Variants in RNGTT observed in about 807,000 individuals in gnomAD.
The protein encoded by RNGTT is RNA guanylyltransferase and 5'-phosphatase.
In RNGTT, 33 loss-of-function variants were observed where a neutral mutation model predicts 79.3. The observed-to-expected ratio is 0.42, with a 90% CI of 0.32 to 0.56. The LOEUF (loss-of-function observed/expected upper bound fraction) is 0.56, where lower values mean the gene tolerates loss of function less well. RNGTT is among the 20% of genes least tolerant of loss of function. The pLI, the probability that RNGTT is intolerant of heterozygous loss-of-function variation, is 0.17. For synonymous variants in RNGTT, 222 were observed against 235.9 expected (o/e 0.94, Z 0.54); for missense variants, 497 against 739.1 (o/e 0.67, Z 3.80).
intron 11 of RNGTT, among the ~76,000 whole-genome samples, 194 bp from the exon 12 acceptor site, chr6:88,801,826 C>CAG (rs1480507094): frequency 2.9e-5 from 4 of 136,084 alleles, no homozygotes; most frequent in African/African-American, 1.2e-4. Context: ...CACACAGACA[C>CAG]ACACACACAC....
intron 4 of RNGTT, among the ~76,000 whole-genome samples, chr6:88,912,382 C>T (rs191431591): frequency 1.9e-4 from 29 of 152,244 alleles, no homozygotes; most frequent in African/African-American, 6.7e-4. Flanking sequence ...GACCTCTAGC[C>T]TGGCTGACAG....
At chr6:88,785,737 T>G (rs886504556) in intron 12 of RNGTT, among the ~76,000 whole-genome samples, 18 of 152,284 alleles carry the variant, frequency 1.2e-4, no homozygotes, top group Admixed American at 9.8e-4. Flanking sequence ...TTCTAATTTG[T>G]CATGTACTTC....
chr6:88,710,709 A>G (rs1325323823), intron 13 of RNGTT, among the ~76,000 whole-genome samples: 1 of 152,198 alleles, frequency 6.6e-6, no homozygotes, highest in Non-Finnish European at 1.5e-5. Context: ...AAATGTAAGG[A>G]GCATAACAAA....
intron 14 of RNGTT, among the ~76,000 whole-genome samples, chr6:88,635,254 G>A (rs375154748): frequency 6.6e-6 from 1 of 152,006 alleles, no homozygotes; most frequent in Admixed American, 6.6e-5. Flanking sequence ...ATGTATATGC[G>A]ATGTTTATGT....
chr6:88,925,626 A>G (rs973649139), intron 4 of RNGTT, among the ~76,000 whole-genome samples: 2 of 151,806 alleles, frequency 1.3e-5, no homozygotes, highest in Admixed American at 6.6e-5. Context: ...AGCTGTTACT[A>G]TCATCATTAA....
At chr6:88,672,984 T>G (rs1178513674) in intron 14 of RNGTT, among the ~76,000 whole-genome samples, 1 of 152,238 alleles carries the variant, frequency 6.6e-6, no homozygotes, top group Non-Finnish European at 1.5e-5. Flanking sequence ...CTATAGCAAA[T>G]TTCTGAATTC....
intron 14 of RNGTT, among the ~76,000 whole-genome samples, chr6:88,626,310 T>C (rs1012358214): frequency 6.6e-6 from 1 of 152,024 alleles, no homozygotes; most frequent in East Asian, 1.9e-4. Context: ...TAGGTCTTCA[T>C]GAATCAAAAA....
chr6:88,917,014 G>A (rs1239814530), intron 4 of RNGTT, among the ~76,000 whole-genome samples: 1 of 152,230 alleles, frequency 6.6e-6, no homozygotes. Context: ...GGCCTTGGGA[G>A]TAATGGTGGG....
intron 11 of RNGTT, among the ~76,000 whole-genome samples, chr6:88,812,977 AT>A (rs879733046): frequency 1.6e-4 from 25 of 152,200 alleles, no homozygotes; most frequent in Non-Finnish European, 2.9e-4. Context: ...GAGGTAATAC[AT>A]ACAAAACTAC....
At chr6:88,613,324 AGGT>A (rs1216074148) in intron 15 of RNGTT, among the ~76,000 whole-genome samples, 1 of 152,256 alleles carries the variant, frequency 6.6e-6, no homozygotes, top group African/African-American at 2.4e-5. Flanking sequence ...CCTGTTGAAT[AGGT>A]GGTTTCATTG....
At chr6:88,942,674 C>T (rs1477645262) in intron 1 of RNGTT, among the ~76,000 whole-genome samples, 1 of 152,160 alleles carries the variant, frequency 6.6e-6, no homozygotes, top group East Asian at 1.9e-4. Flanking sequence ...CCTGGCCTTA[C>T]ATTTTCAAAC....
intron 14 of RNGTT, among the ~76,000 whole-genome samples, chr6:88,633,477 G>T (rs977447656): frequency 6.6e-6 from 1 of 152,118 alleles, no homozygotes; most frequent in Non-Finnish European, 1.5e-5. Flanking sequence ...TGATTCCACA[G>T]GTTCTTGTGC....
chr6:88,685,624 G>A (rs1202599640), intron 13 of RNGTT, among the ~76,000 whole-genome samples: 1 of 151,628 alleles, frequency 6.6e-6, no homozygotes, highest in Non-Finnish European at 1.5e-5. Flanking sequence ...CATCAAATTG[G>A]GTTTATTCTA....
chr6:88,633,953 A>C (rs1055555754), intron 14 of RNGTT, among the ~76,000 whole-genome samples: 2 of 152,170 alleles, frequency 1.3e-5, no homozygotes, highest in Admixed American at 6.5e-5. Flanking sequence ...CAAACAACCA[A>C]AATAGCTAAG....
intron 6 of RNGTT, among the ~76,000 whole-genome samples, chr6:88,893,090 A>G (rs1391279844): frequency 6.6e-6 from 1 of 152,094 alleles, no homozygotes; most frequent in African/African-American, 2.4e-5. Context: ...TTCTGTTTAA[A>G]ACCATTTTTA....
chr6:88,818,605 C>A (rs190665080), intron 11 of RNGTT, among the ~76,000 whole-genome samples: 3 of 152,224 alleles, frequency 2.0e-5, no homozygotes, highest in Admixed American at 2.0e-4. Context: ...TTTATTTCGT[C>A]CATCAGGAAC....
chr6:88,929,664 C>T (rs1784423885), intron 2 of RNGTT, among the ~76,000 whole-genome samples: 1 of 152,060 alleles, frequency 6.6e-6, no homozygotes, highest in Non-Finnish European at 1.5e-5. Context: ...TATACCACAA[C>T]TCAAGCTCTC....
chr6:88,619,282 C>T (rs1209980953), intron 14 of RNGTT, among the ~76,000 whole-genome samples: 1 of 152,140 alleles, frequency 6.6e-6, no homozygotes, highest in Non-Finnish European at 1.5e-5. Flanking sequence ...CCTCCCGCCT[C>T]AGCCTCCCAA....
chr6:88,678,292 T>G, intron 14 of RNGTT, 61 bp downstream of exon 14: 1 of 1,569,372 alleles, frequency 6.4e-7, no homozygotes, highest in East Asian at 2.3e-5. Context: ...TTAGCAAGGT[T>G]TTGATGGATT....
Sources: gnomAD v4.1 joint callset for allele counts (sites outside exome capture counted in the v4.1 genomes callset) on GRCh38, gnomAD v4.1.1 for gene constraint, MANE v1.5 for transcripts, NCBI Gene and HGNC (gene_info 2026-07-23, HGNC 2026-07-21) for gene names.